EPB41L4B: variants seen among roughly 807,000 people sequenced by gnomAD.
EPB41L4B encodes the protein erythrocyte membrane protein band 4.1 like 4B.
Under a neutral mutation model 112.5 loss-of-function variants are expected in EPB41L4B, and 30 were observed. The ratio of observed to expected loss-of-function variants is 0.27; its 90% CI spans 0.20 to 0.36. The LOEUF is 0.36. Ranked by LOEUF, EPB41L4B falls within the 10% of genes least tolerant of loss-of-function variation. The pLI is 1.00. For missense variants in EPB41L4B, 1,024 were observed against 1,133.3 expected (o/e 0.90, Z 1.38); for synonymous variants, 408 against 439.7 (o/e 0.93, Z 0.90).
chr9:109,177,506 A>G (rs889769764), intron 24 of EPB41L4B, among the ~76,000 whole-genome samples: 3 of 152,184 alleles, frequency 2.0e-5, no homozygotes, highest in Non-Finnish European at 4.4e-5. Flanking sequence ...TTACTTGTAT[A>G]TAGAAAGCTT....
intron 1 of EPB41L4B, among the ~76,000 whole-genome samples, chr9:109,295,072 A>G (rs933239339): frequency 1.3e-5 from 2 of 152,176 alleles, no homozygotes; most frequent in African/African-American, 4.8e-5. Flanking sequence ...TGTGAAAACA[A>G]AACACAATAC....
Position 109,231,301 on chromosome 9 carries a change from C to T in EPB41L4B, c.1409+12317G>A, listed in dbSNP as rs539799081. On this transcript the variant is annotated intron_variant, in intron 15 of 25. Coordinates refer to ENST00000374566, the MANE Select transcript of EPB41L4B (RefSeq NM_019114.5). ...ACTTTGCAAGCAATTCTGATGCTAG[C>T]ACAGTTGATGTATGAATCCATGCTA... Among the ~76,000 whole-genome samples the T allele has an allele frequency of 7.9e-5, 12 of 152,168 alleles. No homozygotes were observed. The South Asian group carries it at 2.3e-3, about 29-fold the overall frequency.
intron 15 of EPB41L4B, among the ~76,000 whole-genome samples, chr9:109,243,202 C>G (rs539240248): frequency 7.9e-6 from 1 of 127,356 alleles, no homozygotes; most frequent in African/African-American, 3.0e-5. Context: ...ATTCCCCCAG[C>G]CCACCCCCGC....
chr9:109,207,429 A>G (rs1833022869), intron 18 of EPB41L4B, among the ~76,000 whole-genome samples: 1 of 152,002 alleles, frequency 6.6e-6, no homozygotes, highest in South Asian at 2.1e-4. Context: ...AAAATTAGCC[A>G]GGTGTGATGG....
chr9:109,320,520 C>G lies in EPB41L4B; in HGVS notation c.-74G>C. The stretch of plus-strand genomic sequence containing the variant: ...CTGCCGCTGCCGCTGCGCCGCCGCC[C>G]GGGAGCGTCCCGCGACGCCGTCAGT... On this transcript the variant is annotated 5_prime_UTR_variant, in exon 1 of 26. Transcript: ENST00000374566. 1.3e-6 allele frequency: 1 copy of G among 798,174 alleles called. No homozygotes were observed. 49.4% of individuals were successfully genotyped at this position (798,174 alleles called of 1,614,324 possible).
At chr9:109,316,856 C>T (rs1474895114) in intron 1 of EPB41L4B, among the ~76,000 whole-genome samples, 2 of 152,306 alleles carry the variant, frequency 1.3e-5, no homozygotes, top group East Asian at 3.9e-4. Flanking sequence ...AATCCCAACA[C>T]TGTTAGGGGC....
At chr9:109,271,557 C>T (rs904374050) in intron 2 of EPB41L4B, among the ~76,000 whole-genome samples, 3 of 152,216 alleles carry the variant, frequency 2.0e-5, no homozygotes, top group Admixed American at 2.0e-4. Flanking sequence ...CACAAGACCA[C>T]CTTGTGGCTT....
At chr9:109,220,276 G>C (rs1443439481) in intron 15 of EPB41L4B, among the ~76,000 whole-genome samples, 15 of 152,220 alleles carry the variant, frequency 9.9e-5, no homozygotes, top group Admixed American at 9.8e-4. Flanking sequence ...GTGGTTGAAA[G>C]AGCAGGATGT....
At chr9:109,251,140 CGCGA>C (rs1564294458) in intron 13 of EPB41L4B, among the ~76,000 whole-genome samples, 2 of 152,232 alleles carry the variant, frequency 1.3e-5, no homozygotes, top group African/African-American at 4.8e-5. Flanking sequence ...AGCTTTTGCT[CGCGA>C]GCAAGGCCTT....
chr9:109,196,508 A>G (rs925740778), intron 20 of EPB41L4B, among the ~76,000 whole-genome samples: 4 of 152,192 alleles, frequency 2.6e-5, no homozygotes, highest in Admixed American at 2.6e-4. Flanking sequence ...GCTTGAGCAC[A>G]GGAGTCCGAG....
chr9:109,270,909 CAG>C (rs1371691163), intron 2 of EPB41L4B, among the ~76,000 whole-genome samples: 3 of 152,332 alleles, frequency 2.0e-5, no homozygotes, highest in Non-Finnish European at 2.9e-5. Context: ...ACTCATTAAA[CAG>C]AGTCTCAGAG....
At chr9:109,287,454 C>T (rs146167524) in intron 1 of EPB41L4B, among the ~76,000 whole-genome samples, 15 of 152,280 alleles carry the variant, frequency 9.9e-5, no homozygotes, top group African/African-American at 3.4e-4. Flanking sequence ...TGCCAGCCAT[C>T]CCAGGCAGGT....
chr9:109,263,919 T>A (rs965045883), intron 5 of EPB41L4B, among the ~76,000 whole-genome samples: 1 of 152,216 alleles, frequency 6.6e-6, no homozygotes, highest in Non-Finnish European at 1.5e-5. Flanking sequence ...CTAAACTGCA[T>A]GTAAACTACA....
At chr9:109,181,601 C>A (rs1445778910) in intron 24 of EPB41L4B, among the ~76,000 whole-genome samples, 1 of 151,920 alleles carries the variant, frequency 6.6e-6, no homozygotes, top group Non-Finnish European at 1.5e-5. Flanking sequence ...CATTGGGAGG[C>A]CAAGGTATGA....
chr9:109,207,578 G>T (rs1195505922), intron 18 of EPB41L4B, among the ~76,000 whole-genome samples: 1 of 151,648 alleles, frequency 6.6e-6, no homozygotes, highest in Non-Finnish European at 1.5e-5. Context: ...AAGAAAGAAA[G>T]AAAAAGAAAG....
intron 17 of EPB41L4B, among the ~76,000 whole-genome samples, chr9:109,210,007 G>A (rs766942280): frequency 2.6e-5 from 4 of 152,184 alleles, no homozygotes; most frequent in Middle Eastern, 3.4e-3. Flanking sequence ...TCATAGGATT[G>A]TTATGGTGCT....
At chr9:109,197,830 A>C (rs1018075877) in intron 20 of EPB41L4B, among the ~76,000 whole-genome samples, 3 of 151,676 alleles carry the variant, frequency 2.0e-5, no homozygotes, top group East Asian at 1.9e-4. Flanking sequence ...AAAAAAAAAA[A>C]AAAACAAAAA....
intron 15 of EPB41L4B, among the ~76,000 whole-genome samples, chr9:109,226,953 C>T (rs1332607424): frequency 6.6e-5 from 10 of 151,684 alleles, no homozygotes; most frequent in Non-Finnish European, 1.5e-5. Flanking sequence ...ATCTTCTTCT[C>T]TCAGCCTCCC....
At chr9:109,305,829 C>G (rs1216806602) in intron 1 of EPB41L4B, among the ~76,000 whole-genome samples, 7 of 152,108 alleles carry the variant, frequency 4.6e-5, no homozygotes, top group African/African-American at 1.7e-4. Flanking sequence ...GAGGCTGAGG[C>G]AGCAGAATCG....
Sources: gnomAD v4.1 joint callset for allele counts (sites outside exome capture counted in the v4.1 genomes callset) on GRCh38, gnomAD v4.1.1 for gene constraint, MANE v1.5 for transcripts, NCBI Gene and HGNC (gene_info 2026-07-23, HGNC 2026-07-21) for gene names.